The following SH3GL1 variants were observed in gnomAD, a reference collection of about 807,000 sequenced individuals.
The protein encoded by SH3GL1 is endophilin-A2.
In SH3GL1, 21 loss-of-function variants were observed where a neutral mutation model predicts 48.8. The ratio of observed to expected loss-of-function variants is 0.43; its 90% CI spans 0.30 to 0.62. The LOEUF is 0.62. SH3GL1 is among the 20% of genes least tolerant of loss of function. The pLI, the probability that SH3GL1 is intolerant of heterozygous loss-of-function variation, is 0.11. For missense variants in SH3GL1, 454 were observed against 503.0 expected (o/e 0.90, Z 0.93); for synonymous variants, 282 against 217.5 (o/e 1.30, Z -2.61).
intron 1 of SH3GL1, among the ~76,000 whole-genome samples, chr19:4,375,229 C>T (rs997668139): frequency 6.6e-6 from 1 of 152,186 alleles, no homozygotes; most frequent in Non-Finnish European, 1.5e-5. Flanking sequence ...CCGGGCCCTC[C>T]AGCCCCCACC....
At position 4,366,949 on chromosome 19, in the gene SH3GL1, C is replaced by T; in HGVS notation, c.91G>A (p.Asp31Asn). 6.2e-7 allele frequency: 1 copy of T among 1,614,008 alleles called. No individual in the cohort carries two copies. Among genetic ancestry groups the T allele is most frequent in the South Asian group, 1.1e-5 (1 of 91,080 alleles). Residue 31 changes from aspartate to asparagine, a missense_variant, in exon 2 of 10, where the codon GAT becomes AAT. Physicochemically the swap from Asp to Asn is conservative, Grantham distance 23. Transcript: ENST00000269886. ...VGGAEGTKLD[D>N]DFKEMEKKVD... ...ACCTTCTCCATCTCTTTGAAGTCAT[C>T]ATCCAGCTTGGTCCCCTCGGCCCCT...
At chr19:4,372,347 G>A (rs542906574) in intron 1 of SH3GL1, among the ~76,000 whole-genome samples, 5 of 152,346 alleles carry the variant, frequency 3.3e-5, no homozygotes, top group African/African-American at 1.2e-4. Context: ...TGGAGGAGGC[G>A]AGTGCTCAGC....
rs1449662946 is a variant in SH3GL1, at chr19:4,376,706, C to T, written c.46-9712G>A. On this transcript the variant is annotated intron_variant, in intron 1 of 9. Transcript: ENST00000269886. This position sits in a 1 kb window ranked among gnomAD's most constrained non-coding sequence, Gnocchi z 4.3. ...CTCACTGAGCCTCCCTGGATCTTCCCATGCTGGGTCTTAGCCACCAGGGCT... is the reference window on the plus strand; with the variant it reads ...CTCACTGAGCCTCCCTGGATCTTCCTATGCTGGGTCTTAGCCACCAGGGCT... 6.6e-6 allele frequency among the ~76,000 whole-genome samples: 1 copy of T among 152,144 alleles called. No homozygotes were observed. The highest frequency in any genetic ancestry group is 2.4e-5 in the African/African-American group (1 of 41,434).
chr19:4,400,212 C>G lies in SH3GL1; in HGVS notation c.45+112G>C. ...TTCCCACCTGGCAGGGGACACGCGC[C>G]AACGTCCCCACCTCGGTCCCCCCGG... On this transcript the variant is annotated intron_variant, in intron 1 of 9. Coordinates refer to ENST00000269886, the MANE Select transcript of SH3GL1 (RefSeq NM_003025.4). The surrounding 1 kb of genome is among the most constrained non-coding windows in gnomAD (Gnocchi z 4.1). The G allele has an allele frequency of 1.7e-6, 2 of 1,194,700 alleles. No individual in the cohort carries two copies. Among genetic ancestry groups the G allele is most frequent in the Non-Finnish European group, 2.3e-6 (2 of 866,430 alleles). The allele number at this position is 1,194,700 out of a possible 1,614,324, so 74.0% of individuals were successfully genotyped here. A position where few individuals can be genotyped will look rare whatever the true frequency, so the allele number is the denominator to read the frequency against.
In SH3GL1 at chr19:4,392,518, TCACACACACA is replaced by T. The variant is rs60108906; in HGVS notation, c.45+7796_45+7805del. 1.7e-3 allele frequency among the ~76,000 whole-genome samples: 240 copies of T among 137,858 alleles called. 1 individual carries two copies. Among genetic ancestry groups the T allele is most frequent in the Middle Eastern group, 7.3e-3 (2 of 274 alleles). The allele number at this position is 137,858 out of a possible 152,430, so 90.4% of individuals were successfully genotyped here. A position where few individuals can be genotyped will look rare whatever the true frequency, so the allele number is the denominator to read the frequency against. ...CAGCCTGGGACAGAGCAAGACTCCG[TCACACACACA>T]CACACACACACACACACACACACAC... On this transcript the variant is annotated intron_variant, in intron 1 of 9. Transcript: ENST00000269886.
At position 4,386,997 on chromosome 19, in the gene SH3GL1, T is replaced by C. The variant is rs183662732; in HGVS notation, c.45+13327A>G. Among the ~76,000 whole-genome samples the C allele has an allele frequency of 4.6e-3, 683 of 149,950 alleles. 5 individuals carry two copies. Among genetic ancestry groups the C allele is most frequent in the African/African-American group, 0.015 (625 of 40,772 alleles). ...TGTCGCCCAGGCTGGAGTGCAGTGG[T>C]GCAATCTTGGCTCACTGCAAGCTCT... On this transcript the variant is annotated intron_variant, in intron 1 of 9. Transcript: ENST00000269886.
At chr19:4,369,124 G>A (rs903015201) in intron 1 of SH3GL1, among the ~76,000 whole-genome samples, 3 of 152,168 alleles carry the variant, frequency 2.0e-5, no homozygotes, top group African/African-American at 7.2e-5. Flanking sequence ...ACCGCGGGAG[G>A]GCTGACTCTG....
chr19:4,393,660 T>G (rs749982571), intron 1 of SH3GL1, among the ~76,000 whole-genome samples: 6 of 150,970 alleles, frequency 4.0e-5, no homozygotes, highest in Non-Finnish European at 8.9e-5. Flanking sequence ...CGTGGTGGTA[T>G]GTGCCTGTAA....
chr19:4,393,745 G>C (rs549598338), intron 1 of SH3GL1, among the ~76,000 whole-genome samples: 1 of 151,998 alleles, frequency 6.6e-6, no homozygotes, highest in African/African-American at 2.4e-5. Context: ...AGCAGAGATC[G>C]CGCCACTGCA....
At chr19:4,383,340 G>A (rs922679574) in intron 1 of SH3GL1, among the ~76,000 whole-genome samples, 2 of 151,544 alleles carry the variant, frequency 1.3e-5, no homozygotes, top group African/African-American at 2.4e-5. Context: ...TCAGTCTCCC[G>A]AGTAGCTGGG....
rs945045480 is a variant in SH3GL1, at chr19:4,399,524, G to A, written c.45+800C>T. 2.0e-5 allele frequency among the ~76,000 whole-genome samples: 3 copies of A among 152,044 alleles called. No homozygotes were observed. The East Asian group carries it at 5.8e-4, about 29-fold the overall frequency. On this transcript the variant is annotated intron_variant, in intron 1 of 9. Coordinates refer to ENST00000269886, the MANE Select transcript of SH3GL1 (RefSeq NM_003025.4). ...TGATTCTAAGGGGACACACGGTGATGTCTCAAGATATTTTTGGTTGTCACG... is the reference window on the plus strand; with the variant it reads ...TGATTCTAAGGGGACACACGGTGATATCTCAAGATATTTTTGGTTGTCACG...
intron 1 of SH3GL1, among the ~76,000 whole-genome samples, chr19:4,392,732 A>G (rs1973360778): frequency 6.6e-6 from 1 of 152,120 alleles, no homozygotes; most frequent in African/African-American, 2.4e-5. Context: ...GGATCACCTG[A>G]GGAGTTCAAA....
At chr19:4,382,340 C>T (rs1252760154) in intron 1 of SH3GL1, among the ~76,000 whole-genome samples, 1 of 145,642 alleles carries the variant, frequency 6.9e-6, no homozygotes, top group Admixed American at 7.1e-5. Flanking sequence ...TCACTGCAAG[C>T]TCCGCCTCCC....
rs1330872413 is a variant in SH3GL1 at position 4,379,113 on chromosome 19, C to T, written c.46-12119G>A. Among the ~76,000 whole-genome samples the T allele has an allele frequency of 3.9e-5, 6 of 152,176 alleles. No homozygotes were observed. The East Asian group carries it at 1.2e-3, about 29-fold the overall frequency. ...AGCACGGGACATATTTGTCAATGGC[C>T]GTGACACAAATTCTGAGGTTCTACT... is the stretch of plus-strand genomic sequence containing the variant. On this transcript the variant is annotated intron_variant, in intron 1 of 9. Coordinates refer to ENST00000269886, the MANE Select transcript of SH3GL1 (RefSeq NM_003025.4).
At chr19:4,366,198 T>C in intron 3 of SH3GL1, among the ~76,000 whole-genome samples, 1 of 152,066 alleles carries the variant, frequency 6.6e-6, no homozygotes, top group Admixed American at 6.5e-5. Flanking sequence ...CCAATACAAA[T>C]GGATCCCACA....
intron 1 of SH3GL1, among the ~76,000 whole-genome samples, chr19:4,383,841 C>G (rs779779982): frequency 6.6e-6 from 1 of 151,906 alleles, no homozygotes. Context: ...GAACACAATG[C>G]GAGAGCCGGG....
intron 5 of SH3GL1, 58 bp downstream of exon 5, chr19:4,364,030 G>T: frequency 6.2e-7 from 1 of 1,609,042 alleles, no homozygotes; most frequent in Non-Finnish European, 8.5e-7. Context: ...GGCAGGAATG[G>T]GGCTGCCCCA....
intron 1 of SH3GL1, chr19:4,390,659 C>T (rs1019154715): frequency 1.3e-5 from 2 of 152,260 alleles, no homozygotes; most frequent in African/African-American, 4.8e-5. Flanking sequence ...GACACTTCAG[C>T]TCACACATTA....
At chr19:4,385,448 G>A (rs935637819) in intron 1 of SH3GL1, among the ~76,000 whole-genome samples, 3 of 152,200 alleles carry the variant, frequency 2.0e-5, no homozygotes. Context: ...GAAGGAGGGC[G>A]ACCCCCTACC....
Sources: allele counts gnomAD v4.1 joint callset (sites outside exome capture counted in the v4.1 genomes callset), GRCh38; gene constraint gnomAD v4.1.1; non-coding constraint Gnocchi (gnomAD v3.1); transcripts MANE v1.5; gene names NCBI Gene and HGNC (gene_info 2026-07-23, HGNC 2026-07-21).